The following LPIN2 variants were observed in gnomAD, a reference collection of about 807,000 sequenced individuals.
LPIN2 encodes phosphatidate phosphatase LPIN2.
A neutral mutation model predicts 111.4 loss-of-function variants in LPIN2; 55 were observed. That is an observed-to-expected ratio of 0.49 (90% CI 0.40 to 0.62). The LOEUF (loss-of-function observed/expected upper bound fraction) is 0.62, where lower values mean the gene tolerates loss of function less well. Among genes scored for constraint, LPIN2 ranks in the 20% least tolerant of loss-of-function variants. The pLI is 0.00. For synonymous variants in LPIN2, 425 were observed against 414.0 expected (o/e 1.03, Z -0.32); for missense variants, 992 against 1,112.1 (o/e 0.89, Z 1.54).
intron 7 of LPIN2, 24 bp from the exon 8 acceptor site, chr18:2,934,474 T>G: frequency 6.7e-7 from 1 of 1,483,438 alleles, no homozygotes; most frequent in Middle Eastern, 1.7e-4. Context: ...AAATCAGAGG[T>G]AAGAATTTAG....
Position 2,927,742 on chromosome 18 carries a change from T to G in LPIN2, c.1690A>C (p.Arg564=). The change falls in exon 12 of 20, where the codon AGA becomes CGA. Residue 564 remains arginine, a synonymous_variant. Coordinates refer to ENST00000677752, the MANE Select transcript of LPIN2 (RefSeq NM_001375808.2). ...GTTACCTGTTTGGTCATGCTTTCTC[T>G]CTTTCGCCAAAACCACCAGCGACCA... is the stretch of plus-strand genomic sequence containing the variant. The part of the protein sequence containing the change: ...KSGRWWFWRK[R]ESMTKQLPES... 1 of 1,614,228 alleles carries G rather than the reference T, an allele frequency of 6.2e-7. No homozygotes were observed. Among genetic ancestry groups the G allele is most frequent in the Non-Finnish European group, 8.5e-7 (1 of 1,180,032 alleles).
chr18:3,009,209 C>T (rs146440317), intron 1 of LPIN2, among the ~76,000 whole-genome samples: 276 of 151,906 alleles, frequency 1.8e-3, no homozygotes, highest in Non-Finnish European at 3.3e-3. Context: ...ACTATTCTGG[C>T]TAACACAGTG....
intron 3 of LPIN2, 147 bp from the exon 4 acceptor site, chr18:2,951,503 G>C (rs2077537443): frequency 1.4e-6 from 1 of 732,876 alleles, no homozygotes; most frequent in Admixed American, 2.5e-5. Context: ...ACTGAACTAA[G>C]GCACTGCCTA....
chr18:3,008,534 C>A (rs2078551177), intron 1 of LPIN2, among the ~76,000 whole-genome samples: 1 of 152,254 alleles, frequency 6.6e-6, no homozygotes, highest in Admixed American at 6.5e-5. Context: ...CAATCTGTCA[C>A]TAACAAAGTT....
chr18:2,936,336 A>ACTGTACCAAGTAT (rs1305655884), intron 7 of LPIN2, among the ~76,000 whole-genome samples: 1 of 152,242 alleles, frequency 6.6e-6, no homozygotes, highest in Non-Finnish European at 1.5e-5. Context: ...GTTCTGACCC[A>ACTGTACCAAGTAT]CTGTACCAAG....
Position 2,934,381 on chromosome 18 carries a change from G to A in LPIN2, c.1238C>T (p.Pro413Leu). ...AGGGAAATAAAGAGCTGCAACTTCA[G>A]GTTCTAGACCCTTTAAGTCATCAAG... ...IYLDDLKGLE[P>L]EVAALYFPKS... Residue 413 changes from proline (P) to leucine (L), a missense_variant, in exon 8 of 20, where the codon CCT (proline) becomes CTT (leucine). This residue lies in a region of LPIN2 where 709 missense variants were observed against 753.2 expected (regional missense o/e 0.94). Transcript: ENST00000677752. The A allele has an allele frequency of 6.2e-7, 1 of 1,613,580 alleles. No individual in the cohort carries two copies.
intron 1 of LPIN2, among the ~76,000 whole-genome samples, chr18:2,963,371 A>G (rs1287658098): frequency 6.7e-6 from 1 of 150,320 alleles, no homozygotes; most frequent in East Asian, 1.9e-4. Flanking sequence ...CTAGCCCAGC[A>G]TAGCTACACA....
rs562342799 is a variant in LPIN2 at position 2,936,972 on chromosome 18, A to T, written c.1168+720T>A. ...TTGATTTTTATCTGATATTACTGCT[A>T]AAAAACCTACCTAATTTAGCCTCAG... On this transcript the variant is annotated intron_variant, in intron 7 of 19. Transcript: ENST00000677752. 2.0e-5 allele frequency among the ~76,000 whole-genome samples: 3 copies of T among 152,208 alleles called. No homozygotes were observed. The South Asian group carries it at 6.2e-4, about 31-fold the overall frequency.
At chr18:2,985,245 C>G (rs1279676276) in intron 1 of LPIN2, 1 of 152,166 alleles carries the variant, frequency 6.6e-6, no homozygotes, top group African/African-American at 2.4e-5. Flanking sequence ...GTTCTGCTTC[C>G]ACCCCCACCA....
chr18:2,920,808 A>G lies in LPIN2; in HGVS notation c.2516T>C (p.Ile839Thr). Residue 839 changes from isoleucine (I) to threonine (T), a missense_variant, in exon 19 of 20, where the codon ATA becomes ACA. By Grantham distance (89) the Ile-to-Thr change is moderately conservative (BLOSUM62 -1). This residue lies in a region of LPIN2 where 185 missense variants were observed against 186.5 expected (regional missense o/e 0.99). Transcript: ENST00000677752. ...IFTVNPKGEL[I>T]QERTKGNKSS... ...CTTGTTTCCTTTGGTTCTTTCTTGT[A>G]TTAATTCACCCTTGGGGTTCACGGT... The G allele has an allele frequency of 2.5e-6, 4 of 1,614,150 alleles. No individual in the cohort carries two copies. Among genetic ancestry groups the G allele is most frequent in the Non-Finnish European group, 3.4e-6 (4 of 1,179,984 alleles).
intron 4 of LPIN2, among the ~76,000 whole-genome samples, chr18:2,942,499 T>A (rs1455482258): frequency 6.6e-6 from 1 of 152,216 alleles, no homozygotes; most frequent in African/African-American, 2.4e-5. Flanking sequence ...TACAAATATT[T>A]TACTTTTGGG....
chr18:2,943,810 G>C (rs1387811957), intron 4 of LPIN2, among the ~76,000 whole-genome samples: 1 of 152,100 alleles, frequency 6.6e-6, no homozygotes, highest in African/African-American at 2.4e-5. Context: ...GAGTCTGGTT[G>C]CCAGATCTTT....
intron 6 of LPIN2, 48 bp from the exon 7 acceptor site, chr18:2,938,085 G>T: frequency 7.1e-7 from 1 of 1,407,952 alleles, no homozygotes; most frequent in Non-Finnish European, 1.0e-6. Context: ...CAGAGTATTT[G>T]TTATAATCTA....
In LPIN2 at chr18:2,925,364, C is replaced by A; in HGVS notation, c.1798G>T (p.Ala600Ser). ...SSKEPAGARP[A>S]ENDSSSDEGS... ...TCGTCACTCGAGGAGTCATTCTCGG[C>A]CGGCCTGTTCAACATTAGCCCAGTT... Residue 600 changes from alanine (A) to serine (S), a missense_variant, in exon 14 of 20, where the codon GCC becomes TCC. Around this residue, in one of 4 missense-constraint regions of LPIN2, gnomAD observed 709 missense variants for 753.2 expected, o/e 0.94. Coordinates refer to ENST00000677752, the MANE Select transcript of LPIN2 (RefSeq NM_001375808.2). The surrounding 1 kb of genome is among the most constrained non-coding windows in gnomAD (Gnocchi z 4.1). 6.2e-7 allele frequency: 1 copy of A among 1,614,070 alleles called. No individual in the cohort carries two copies. The highest frequency in any genetic ancestry group is 8.5e-7 in the Non-Finnish European group (1 of 1,179,996).
intron 1 of LPIN2, among the ~76,000 whole-genome samples, chr18:2,966,264 T>C (rs2077802070): frequency 6.6e-6 from 1 of 152,190 alleles, no homozygotes; most frequent in African/African-American, 2.4e-5. Flanking sequence ...TAAACCACTA[T>C]TTTAAGTGTT....
At chr18:2,993,465 A>G (rs1415436755) in intron 1 of LPIN2, among the ~76,000 whole-genome samples, 3 of 152,214 alleles carry the variant, frequency 2.0e-5, no homozygotes, top group Non-Finnish European at 4.4e-5. Flanking sequence ...GATAATTTCT[A>G]TGTATCCTTC....
intron 1 of LPIN2, among the ~76,000 whole-genome samples, chr18:2,991,887 G>C (rs2078270843): frequency 6.6e-6 from 1 of 151,970 alleles, no homozygotes; most frequent in Admixed American, 6.6e-5. Context: ...GCGTGCACCT[G>C]TAATCCCAGC....
At chr18:3,005,676 TACACACACAC>T (rs34050872) in intron 1 of LPIN2, among the ~76,000 whole-genome samples, 17 of 147,026 alleles carry the variant, frequency 1.2e-4, no homozygotes, top group Middle Eastern at 3.5e-3. Context: ...GACACTATCT[TACACACACAC>T]ACACACACAC....
intron 1 of LPIN2, among the ~76,000 whole-genome samples, chr18:2,963,036 T>C (rs1045769858): frequency 2.6e-5 from 4 of 152,338 alleles, no homozygotes; most frequent in Middle Eastern, 3.4e-3. Context: ...GAAAACCTAA[T>C]GTGTAAATGC....
Sources: gnomAD v4.1 joint callset for allele counts (sites outside exome capture counted in the v4.1 genomes callset) on GRCh38, gnomAD v4.1.1 for gene constraint, gnomAD v4.1.1 regional missense constraint, Gnocchi (gnomAD v3.1) non-coding constraint, MANE v1.5 for transcripts, NCBI Gene and HGNC (gene_info 2026-07-23, HGNC 2026-07-21) for gene names.